The following ODAD2 variants were observed in gnomAD, a reference collection of about 807,000 sequenced individuals.
The protein encoded by ODAD2 is outer dynein arm-docking complex subunit 2.
Under a neutral mutation model 106.8 loss-of-function variants are expected in ODAD2, and 89 were observed. That is an observed-to-expected ratio of 0.83 (90% confidence interval 0.70 to 0.99). ODAD2 has a LOEUF of 0.99. ODAD2 is among the 50% of genes least tolerant of loss of function. The probability of loss-of-function intolerance (pLI) is 0.00; values close to 1 mark genes in which losing one functional copy is unlikely to be tolerated. For missense variants in ODAD2, 1,168 were observed against 1,238.5 expected (o/e 0.94, Z 0.85); for synonymous variants, 404 against 436.2 (o/e 0.93, Z 0.92).
At chr10:27,916,278 G>C (rs879190264) in intron 16 of ODAD2, among the ~76,000 whole-genome samples, 2 of 152,120 alleles carry the variant, frequency 1.3e-5, no homozygotes, top group Non-Finnish European at 2.9e-5. Context: ...GAGCCTGAAT[G>C]GGGTGAAGAG....
chr10:27,921,693 C>A (rs1456258173), intron 16 of ODAD2, among the ~76,000 whole-genome samples: 1 of 148,986 alleles, frequency 6.7e-6, no homozygotes, highest in Non-Finnish European at 1.5e-5. Flanking sequence ...CTGAGACAAA[C>A]CTAGCAAAAT....
intron 16 of ODAD2, among the ~76,000 whole-genome samples, chr10:27,920,426 G>A (rs1224910209): frequency 1.3e-5 from 2 of 151,978 alleles, no homozygotes; most frequent in African/African-American, 4.8e-5. Context: ...ATTAATATGC[G>A]TGCATATCAC....
At chr10:27,900,151 C>T (rs555552418) in intron 17 of ODAD2, among the ~76,000 whole-genome samples, 4 of 152,266 alleles carry the variant, frequency 2.6e-5, no homozygotes, top group Admixed American at 6.5e-5. Context: ...CTGCAGCCTC[C>T]GCTCATGATA....
At chr10:27,946,893 C>T (rs1341027900) in intron 10 of ODAD2, among the ~76,000 whole-genome samples, 1 of 152,184 alleles carries the variant, frequency 6.6e-6, no homozygotes, top group African/African-American at 2.4e-5. Flanking sequence ...TTTCTTCTTA[C>T]TCCATTTAAG....
intron 10 of ODAD2, among the ~76,000 whole-genome samples, chr10:27,953,127 T>C (rs1221321864): frequency 1.3e-5 from 2 of 152,210 alleles, no homozygotes; most frequent in Non-Finnish European, 2.9e-5. Flanking sequence ...ATCCATCACC[T>C]GAAAACATGT....
chr10:27,909,232 A>G lies in ODAD2; in HGVS notation c.2496-1455T>C, dbSNP rs187534229. Among the ~76,000 whole-genome samples, 610 of 152,310 alleles carry G rather than the reference A, an allele frequency of 4.0e-3. 1 individual carries two copies. The highest frequency in any genetic ancestry group is 0.012 in the South Asian group (58 of 4,824). ...TTGAAAATTTCGCAGCAAATTTGGCATTAGTGATATTTAACTGTATATTGC... is the reference window on the plus strand; with the variant it reads ...TTGAAAATTTCGCAGCAAATTTGGCGTTAGTGATATTTAACTGTATATTGC... On this transcript the variant is annotated intron_variant, in intron 16 of 19. Coordinates refer to ENST00000305242, the MANE Select transcript of ODAD2 (RefSeq NM_018076.5).
At chr10:27,900,470 T>C (rs1843124189) in intron 17 of ODAD2, among the ~76,000 whole-genome samples, 4 of 152,242 alleles carry the variant, frequency 2.6e-5, no homozygotes, top group African/African-American at 7.2e-5. Context: ...GTTTGACGAA[T>C]TGACAGAAGT....
intron 16 of ODAD2, among the ~76,000 whole-genome samples, chr10:27,924,008 A>AAGAGAGAGAGAGAGAG (rs1320664230): frequency 1.9e-5 from 2 of 104,188 alleles, no homozygotes; most frequent in Admixed American, 9.7e-5. Context: ...GAAAGAAAGA[A>AAGAGAGAGAGAGAGAG]AGAAAGAAAG....
At chr10:27,962,712 A>G (rs1383019500) in intron 9 of ODAD2, among the ~76,000 whole-genome samples, 1 of 152,128 alleles carries the variant, frequency 6.6e-6, no homozygotes, top group African/African-American at 2.4e-5. Flanking sequence ...TATATGCCCT[A>G]CGTCCCTGCA....
intron 14 of ODAD2, among the ~76,000 whole-genome samples, chr10:27,939,370 A>G (rs1846220927): frequency 6.6e-6 from 1 of 151,956 alleles, no homozygotes; most frequent in Non-Finnish European, 1.5e-5. Flanking sequence ...ATCTGCCATT[A>G]CCACAGGACA....
chr10:27,812,690 T>C, intron 19 of ODAD2, 65 bp from the exon 20 acceptor site: 1 of 1,488,402 alleles, frequency 6.7e-7, no homozygotes, highest in Non-Finnish European at 8.9e-7. Context: ...AGACATAAAG[T>C]TAGGCTAGGA....
intron 6 of ODAD2, 167 bp from the exon 7 acceptor site, chr10:27,981,749 T>A: frequency 2.0e-6 from 1 of 494,378 alleles, no homozygotes; most frequent in Non-Finnish European, 3.5e-6. Context: ...CTTAATTTAA[T>A]GTTATCTATT....
intron 16 of ODAD2, among the ~76,000 whole-genome samples, chr10:27,930,914 G>A (rs976747941): frequency 6.6e-6 from 1 of 152,088 alleles, no homozygotes; most frequent in African/African-American, 2.4e-5. Flanking sequence ...GTTACAATCT[G>A]GCAATCATTG....
chr10:27,949,433 A>C lies in ODAD2; in HGVS notation c.1387-4471T>G, dbSNP rs187452591. Among the ~76,000 whole-genome samples, 27 of 152,336 alleles carry C rather than the reference A, an allele frequency of 1.8e-4. No homozygotes were observed. The East Asian group carries it at 5.2e-3, about 29-fold the overall frequency. On this transcript the variant is annotated intron_variant, in intron 10 of 19. Transcript: ENST00000305242. ...TGACCTAACTTGGAGCATCACTCACAGGGAAAGAACATCTGAACTGAGATC... is the reference window on the plus strand; with the variant it reads ...TGACCTAACTTGGAGCATCACTCACCGGGAAAGAACATCTGAACTGAGATC...
Position 27,853,465 on chromosome 10 carries a change from T to C in ODAD2, c.3021+7160A>G. On this transcript the variant is annotated intron_variant, in intron 19 of 19. Coordinates refer to ENST00000305242, the MANE Select transcript of ODAD2 (RefSeq NM_018076.5). The stretch of plus-strand genomic sequence containing the variant: ...AAAAGACACAAATATGATTAAAGGA[T>C]ATTAAAAGCTATAAAACTTTAGTAT... 1.1e-5 allele frequency: 2 copies of C among 179,040 alleles called. 1 individual carries two copies. The highest frequency in any genetic ancestry group is 2.4e-4 in the South Asian group (2 of 8,338). The allele number at this position is 179,040 out of a possible 1,614,324, so 11.1% of individuals were successfully genotyped here. A position where few individuals can be genotyped will look rare whatever the true frequency, so the allele number is the denominator to read the frequency against.
intron 13 of ODAD2, 105 bp from the exon 14 acceptor site, chr10:27,940,112 C>A (rs1482545450): frequency 2.8e-6 from 2 of 712,620 alleles, no homozygotes; most frequent in South Asian, 4.0e-5. Context: ...GAAATAATCA[C>A]CATAGTCCAA....
intron 17 of ODAD2, among the ~76,000 whole-genome samples, chr10:27,864,578 A>AGGGGAGTGAGGTGAGAG (rs1163719817): frequency 1.3e-5 from 1 of 76,214 alleles, no homozygotes; most frequent in Non-Finnish European, 2.7e-5. Flanking sequence ...TGAGGTGAGA[A>AGGGGAGTGAGGTGAGAG]TGGGGAGTGA....
chr10:27,958,167 G>C (rs765368834), intron 10 of ODAD2, among the ~76,000 whole-genome samples: 3 of 152,268 alleles, frequency 2.0e-5, no homozygotes, highest in East Asian at 1.9e-4. Flanking sequence ...GCAATTTACT[G>C]TCTGGCCAAG....
At chr10:27,901,651 G>A (rs1175965683) in intron 17 of ODAD2, among the ~76,000 whole-genome samples, 3 of 151,922 alleles carry the variant, frequency 2.0e-5, no homozygotes, top group African/African-American at 7.3e-5. Flanking sequence ...AAAAAAGCAG[G>A]GGTTGCAATC....
Sources: allele counts gnomAD v4.1 joint callset (sites outside exome capture counted in the v4.1 genomes callset), GRCh38; gene constraint gnomAD v4.1.1; transcripts MANE v1.5; gene names NCBI Gene and HGNC (gene_info 2026-07-23, HGNC 2026-07-21).